RBFOX1: variants seen among roughly 807,000 people sequenced by gnomAD.
RBFOX1 encodes the protein RNA binding protein fox-1 homolog 1.
Under a neutral mutation model 57.7 loss-of-function variants are expected in RBFOX1, and 8 were observed. The ratio of observed to expected loss-of-function variants is 0.14; its 90% CI spans 0.08 to 0.25. The LOEUF (loss-of-function observed/expected upper bound fraction) is 0.25. Ranked by LOEUF, RBFOX1 falls within the 10% of genes least tolerant of loss-of-function variation. The pLI is 1.00. For synonymous variants in RBFOX1, 326 were observed against 222.4 expected (o/e 1.47, Z -4.15); for missense variants, 611 against 548.5 (o/e 1.11, Z -1.14).
intron 3 of RBFOX1, among the ~76,000 whole-genome samples, chr16:5,847,753 G>A (rs958323230): frequency 6.6e-6 from 1 of 152,024 alleles, no homozygotes; most frequent in African/African-American, 2.4e-5. Context: ...CACTCTCTCG[G>A]TCCGTGCAAC....
rs1440436610 is a variant in RBFOX1, at chr16:7,216,984, T to TTTCC, written c.27+164896_27+164899dup. Among the ~76,000 whole-genome samples, 4 of 116,638 alleles carry TTTCC rather than the reference T, an allele frequency of 3.4e-5. No individual in the cohort carries two copies. In the South Asian group the frequency reaches 1.1e-3, roughly 33 times the overall value. The allele number at this position is 116,638 out of a possible 152,430, so 76.5% of individuals were successfully genotyped here. ...TTGGTAAGGAAAAGTACAGCAGGATTTTCCTTCCTTCCTCCCTCCCTCCCT... is the reference window on the plus strand; with the variant it reads ...TTGGTAAGGAAAAGTACAGCAGGATTTTCCTTCCTTCCTTCCTCCCTCCCTCCCT... On this transcript the variant is annotated intron_variant, in intron 4 of 15. Transcript: ENST00000550418.
At chr16:6,851,806 G>T (rs2094082893) in intron 3 of RBFOX1, among the ~76,000 whole-genome samples, 1 of 152,132 alleles carries the variant, frequency 6.6e-6, no homozygotes, top group African/African-American at 2.4e-5. Flanking sequence ...CCTTCCTCTG[G>T]GCATCAAGGC....
At chr16:5,849,654 C>A (rs1455476060) in intron 3 of RBFOX1, among the ~76,000 whole-genome samples, 1 of 152,164 alleles carries the variant, frequency 6.6e-6, no homozygotes, top group Non-Finnish European at 1.5e-5. Context: ...ACGGAGGCTG[C>A]TCTCCTGTTG....
In RBFOX1 at chr16:7,199,726, C is replaced by G. The variant is rs867310485; in HGVS notation, c.27+147628C>G. Among the ~76,000 whole-genome samples the G allele has an allele frequency of 3.3e-5, 5 of 152,064 alleles. No individual in the cohort carries two copies. The South Asian group carries it at 8.3e-4, about 25-fold the overall frequency. The stretch of plus-strand genomic sequence containing the variant: ...CTTTGCCAACGTGGTGAAACCCCGT[C>G]TTTACTAAAATACAAAGATTAGCTG... On this transcript the variant is annotated intron_variant, in intron 4 of 15. Transcript: ENST00000550418.
chr16:7,302,272 T>G (rs2096053781), intron 4 of RBFOX1, among the ~76,000 whole-genome samples: 1 of 152,184 alleles, frequency 6.6e-6, no homozygotes, highest in African/African-American at 2.4e-5. Flanking sequence ...GACTTCATAG[T>G]TATTTCAAAC....
Position 7,279,219 on chromosome 16 carries a change from G to A in RBFOX1, c.27+227121G>A, listed in dbSNP as rs117441092. On this transcript the variant is annotated intron_variant, in intron 4 of 15. Transcript: ENST00000550418. ...TCTGACTTACACAGAGGAAGCTTCA[G>A]TGTAATAGAAATAAATGCTGCATTT... Among the ~76,000 whole-genome samples the A allele has an allele frequency of 1.0e-3, 152 of 151,842 alleles. 1 individual carries two copies. The highest frequency in any genetic ancestry group is 1.9e-3 in the South Asian group (9 of 4,798).
chr16:7,493,130 C>G (rs2067471025), intron 4 of RBFOX1, among the ~76,000 whole-genome samples: 1 of 152,226 alleles, frequency 6.6e-6, no homozygotes, highest in Non-Finnish European at 1.5e-5. Flanking sequence ...TCGCCCGCCT[C>G]TGCCTCCCAA....
At chr16:5,614,914 G>T (rs1421135145) in intron 3 of RBFOX1, among the ~76,000 whole-genome samples, 1 of 152,188 alleles carries the variant, frequency 6.6e-6, no homozygotes, top group Non-Finnish European at 1.5e-5. Flanking sequence ...GGAGGGTGGG[G>T]GTTTGGTCCA....
intron 3 of RBFOX1, among the ~76,000 whole-genome samples, chr16:5,798,425 G>T (rs2151747915): frequency 6.6e-6 from 1 of 152,286 alleles, no homozygotes; most frequent in South Asian, 2.1e-4. Flanking sequence ...AGGATGAAAG[G>T]GTTTATTTCC....
chr16:6,843,821 G>C (rs2141610694), intron 3 of RBFOX1, among the ~76,000 whole-genome samples: 1 of 152,210 alleles, frequency 6.6e-6, no homozygotes, highest in East Asian at 1.9e-4. Context: ...AACAAGATTT[G>C]ACCCTTAGGT....
intron 4 of RBFOX1, among the ~76,000 whole-genome samples, chr16:7,335,932 C>G (rs964084299): frequency 4.6e-5 from 7 of 152,152 alleles, no homozygotes; most frequent in Non-Finnish European, 8.8e-5. Flanking sequence ...CCTGTCTGGA[C>G]TGTCTCATGT....
chr16:7,702,179 G>A (rs771706707), intron 14 of RBFOX1, among the ~76,000 whole-genome samples: 3 of 152,220 alleles, frequency 2.0e-5, no homozygotes, highest in Non-Finnish European at 4.4e-5. Context: ...TGAAAATGGA[G>A]ATTTTGGTTG....
At chr16:5,443,040 C>A (rs939997507) in intron 1 of RBFOX1, among the ~76,000 whole-genome samples, 1 of 152,166 alleles carries the variant, frequency 6.6e-6, no homozygotes, top group African/African-American at 2.4e-5. Context: ...CCACTAGAGA[C>A]TGAAAGAGGC....
rs57556084 is a variant in RBFOX1, at chr16:6,925,109, G to GTTTTTTTTT, written c.-15-126914_-15-126906dup. On this transcript the variant is annotated intron_variant, in intron 3 of 15. Coordinates refer to ENST00000550418, the MANE Select transcript of RBFOX1 (RefSeq NM_018723.4). Reference sequence around the variant, plus strand: ...TCGTTGTTGGACATCTAGGTTGTTGGTTTTTTTTTTTTTTTTTTTTTTTTT... The same window carrying GTTTTTTTTT: ...TCGTTGTTGGACATCTAGGTTGTTGGTTTTTTTTTTTTTTTTTTTTTTTTTTTTTTTTTT... 1.3e-3 allele frequency among the ~76,000 whole-genome samples: 61 copies of GTTTTTTTTT among 45,252 alleles called. 13 individuals are homozygous for GTTTTTTTTT. Among genetic ancestry groups the GTTTTTTTTT allele is most frequent in the African/African-American group, 4.2e-3 (48 of 11,334 alleles). 29.7% of individuals were successfully genotyped at this position (45,252 alleles called of 152,430 possible).
chr16:6,903,643 T>G (rs1422767931), intron 3 of RBFOX1, among the ~76,000 whole-genome samples: 2 of 152,162 alleles, frequency 1.3e-5, no homozygotes, highest in East Asian at 3.9e-4. Flanking sequence ...GACTGTCCTT[T>G]GGATAAGCAG....
chr16:6,161,792 T>C (rs780932429), intron 1 of RBFOX1, among the ~76,000 whole-genome samples: 26 of 152,218 alleles, frequency 1.7e-4, no homozygotes, highest in Non-Finnish European at 3.4e-4. Context: ...TTTCCGTGCT[T>C]TGTGTTACTA....
At chr16:7,120,882 T>C (rs13333981) in intron 4 of RBFOX1, among the ~76,000 whole-genome samples, 94,800 of 147,334 alleles carry the variant, frequency 0.64, 30,906 homozygotes, top group East Asian at 0.88. Context: ...TATCATGGAA[T>C]ACATATAATA....
chr16:6,931,782 G>A (rs1028207460), intron 3 of RBFOX1, among the ~76,000 whole-genome samples: 4 of 152,132 alleles, frequency 2.6e-5, no homozygotes, highest in African/African-American at 9.7e-5. Context: ...CACAAACTGG[G>A]TAATTTATAA....
At chr16:7,206,288 G>A (rs1318342173) in intron 4 of RBFOX1, among the ~76,000 whole-genome samples, 5 of 152,012 alleles carry the variant, frequency 3.3e-5, no homozygotes, top group Non-Finnish European at 7.4e-5. Flanking sequence ...TTAATAATGG[G>A]AAGTAGGTGA....
Sources: allele counts gnomAD v4.1 joint callset (sites outside exome capture counted in the v4.1 genomes callset), GRCh38; gene constraint gnomAD v4.1.1; transcripts MANE v1.5; gene names NCBI Gene and HGNC (gene_info 2026-07-23, HGNC 2026-07-21).